LEPROTL1: variants seen among roughly 807,000 people sequenced by gnomAD.
The protein encoded by LEPROTL1 is leptin receptor overlapping transcript like 1.
Under a neutral mutation model 15.4 loss-of-function variants are expected in LEPROTL1, and 6 were observed. The ratio of observed to expected loss-of-function variants is 0.39; its 90% CI spans 0.21 to 0.77. LEPROTL1 has a LOEUF of 0.77. LEPROTL1 is among the 30% of genes least tolerant of loss of function. The probability of loss-of-function intolerance (pLI) is 0.41; values close to 1 mark genes in which losing one functional copy is unlikely to be tolerated. For missense variants in LEPROTL1, 128 were observed against 158.1 expected, an observed-to-expected ratio of 0.81 and a Z score of 1.02; for synonymous variants, 56 against 52.6, an observed-to-expected ratio of 1.06 and a Z score of -0.28.
intron 4 of LEPROTL1, among the ~76,000 whole-genome samples, chr8:30,134,266 T>C (rs1405991753): frequency 6.6e-6 from 1 of 151,794 alleles, no homozygotes; most frequent in Non-Finnish European, 1.5e-5. Context: ...CTACTAAAAA[T>C]ACAAAAATTA....
intron 4 of LEPROTL1, chr8:30,137,254 T>A: frequency 6.5e-7 from 1 of 1,538,894 alleles, no homozygotes; most frequent in South Asian, 1.2e-5. Flanking sequence ...TAATTAGCTC[T>A]TGATTTCTGT....
chr8:30,102,609 G>A (rs1042454355), intron 2 of LEPROTL1, among the ~76,000 whole-genome samples: 37 of 149,894 alleles, frequency 2.5e-4, no homozygotes, highest in Admixed American at 1.9e-3. Context: ...CCAAGATCAC[G>A]CCACTGCACT....
chr8:30,126,059 A>G (rs1024802729), intron 3 of LEPROTL1, among the ~76,000 whole-genome samples: 2 of 152,152 alleles, frequency 1.3e-5, no homozygotes, highest in Admixed American at 1.3e-4. Flanking sequence ...TGAATGTACT[A>G]TCTAATAGTT....
At position 30,107,080 on chromosome 8, in the gene LEPROTL1, A is replaced by T; in HGVS notation, c.*1218A>T. The T allele has an allele frequency of 1.0e-6, 1 of 976,606 alleles. No individual in the cohort carries two copies. Among genetic ancestry groups the T allele is most frequent in the Non-Finnish European group, 1.2e-6 (1 of 821,942 alleles). 60.5% of individuals were successfully genotyped at this position (976,606 alleles called of 1,614,324 possible). A position where few individuals can be genotyped will look rare whatever the true frequency, so the allele number is the denominator to read the frequency against. On this transcript the variant is annotated 3_prime_UTR_variant, in exon 4 of 4. Transcript: ENST00000321250. ...TATTCTCTAAGGTTATATCATATGT[A>T]ATTTAAAAGTATTTTTAAGACAAGT...
At chr8:30,132,616 A>G in intron 4 of LEPROTL1, 1 of 1,551,786 alleles carries the variant, frequency 6.4e-7, no homozygotes, top group South Asian at 1.2e-5. Context: ...TAGTCCAAGA[A>G]TCTGCAGACC....
At chr8:30,113,148 T>C (rs912608948), downstream of LEPROTL1, among the ~76,000 whole-genome samples, 1 of 148,914 alleles carries the variant, frequency 6.7e-6, no homozygotes, top group Non-Finnish European at 1.5e-5. Flanking sequence ...TGGTGGCTCA[T>C]GACTGTAATC....
At chr8:30,116,446 G>A (rs952215308) in intron 3 of LEPROTL1, among the ~76,000 whole-genome samples, 2 of 152,166 alleles carry the variant, frequency 1.3e-5, no homozygotes, top group African/African-American at 4.8e-5. Flanking sequence ...CTCATAAGGA[G>A]CGCGCAACCT....
rs1314443197 is a variant in LEPROTL1 at position 30,132,098 on chromosome 8, G to C, written c.280-277G>C. On this transcript the variant is annotated intron_variant, in intron 3 of 4. Transcript: ENST00000442880. Reference sequence around the variant, plus strand: ...ATGTAGGCAATGATCAACTGGGTGTGGGCCCAGGTGAGGGTTCTATAGAAC... The same window carrying C: ...ATGTAGGCAATGATCAACTGGGTGTCGGCCCAGGTGAGGGTTCTATAGAAC... 6.4e-6 allele frequency: 10 copies of C among 1,551,706 alleles called. No homozygotes were observed. In the Admixed American group the frequency reaches 7.8e-5, roughly 12 times the overall value.
chr8:30,117,582 A>C, intron 3 of LEPROTL1: 2 of 1,416,078 alleles, frequency 1.4e-6, no homozygotes, highest in Non-Finnish European at 2.0e-6. Flanking sequence ...CCTGTCTGTG[A>C]GGTTCACAAC....
intron 3 of LEPROTL1, chr8:30,117,751 G>A (rs1802763882): frequency 2.1e-6 from 2 of 949,884 alleles, no homozygotes; most frequent in Non-Finnish European, 1.7e-6. Flanking sequence ...GCTCTTGAGA[G>A]CATCAGCCAG....
At chr8:30,110,416 A>T (rs1802637087), downstream of LEPROTL1, among the ~76,000 whole-genome samples, 1 of 151,402 alleles carries the variant, frequency 6.6e-6, no homozygotes, top group South Asian at 2.1e-4. Flanking sequence ...AGAATCAGGA[A>T]TTTTTTTTTA....
At chr8:30,112,429 TTTG>T (rs1257543719), downstream of LEPROTL1, among the ~76,000 whole-genome samples, 3 of 141,246 alleles carry the variant, frequency 2.1e-5, no homozygotes, top group Admixed American at 7.2e-5. Context: ...TTTTTTTTTT[TTTG>T]GATTTTTGGT....
chr8:30,116,547 A>C (rs1054223652), intron 3 of LEPROTL1, among the ~76,000 whole-genome samples: 7 of 152,188 alleles, frequency 4.6e-5, no homozygotes, highest in African/African-American at 1.7e-4. Context: ...GAGCTCAGGT[A>C]GTAATGCTCG....
intron 3 of LEPROTL1, among the ~76,000 whole-genome samples, chr8:30,113,981 AG>A (rs1329084824): frequency 6.6e-6 from 1 of 152,192 alleles, no homozygotes; most frequent in African/African-American, 2.4e-5. Context: ...CAGGCTGATG[AG>A]GGTTAAAGTT....
At chr8:30,096,359 TTAAC>T in intron 1 of LEPROTL1, 2 of 985,410 alleles carry the variant, frequency 2.0e-6, no homozygotes, top group Non-Finnish European at 2.4e-6. Context: ...CAGCTACTGC[TTAAC>T]TAATTACATT....
chr8:30,098,882 C>T (rs1802416329), intron 1 of LEPROTL1, among the ~76,000 whole-genome samples: 1 of 152,268 alleles, frequency 6.6e-6, no homozygotes, highest in South Asian at 2.1e-4. Context: ...AGTAGGAAAT[C>T]GCAGCTGATA....
intron 4 of LEPROTL1, chr8:30,132,553 G>C (rs752092925): frequency 6.4e-7 from 1 of 1,551,698 alleles, no homozygotes. Flanking sequence ...CTGGCAATCA[G>C]TCAGTCCCGC....
chr8:30,119,712 A>G (rs1420380259), intron 3 of LEPROTL1, among the ~76,000 whole-genome samples: 1 of 152,214 alleles, frequency 6.6e-6, no homozygotes, highest in Non-Finnish European at 1.5e-5. Flanking sequence ...CATAACATCT[A>G]TATACGAAAA....
rs926130148 is a variant in LEPROTL1 at position 30,095,433 on chromosome 8, C to T, written c.-80C>T. ...GCACTTCCGGGTGTTGTCTGGCCGC[C>T]GTAGCGCGTCTTGGGTCTCCCGGCT... On this transcript the variant is annotated 5_prime_UTR_variant, in exon 1 of 4. Coordinates refer to ENST00000321250, the MANE Select transcript of LEPROTL1 (RefSeq NM_015344.3). 11 of 1,402,540 alleles carry T rather than the reference C, an allele frequency of 7.8e-6. No individual in the cohort carries two copies. Among genetic ancestry groups the T allele is most frequent in the Middle Eastern group, 2.1e-4 (1 of 4,718 alleles). 86.9% of individuals were successfully genotyped at this position (1,402,540 alleles called of 1,614,324 possible). A position where few individuals can be genotyped will look rare whatever the true frequency, so the allele number is the denominator to read the frequency against.
Sources: gnomAD v4.1 joint callset for allele counts (sites outside exome capture counted in the v4.1 genomes callset) on GRCh38, gnomAD v4.1.1 for gene constraint, MANE v1.5 for transcripts, NCBI Gene and HGNC (gene_info 2026-07-23, HGNC 2026-07-21) for gene names.